Variants in THOC1 observed in about 807,000 individuals in gnomAD.
THOC1 encodes THO complex subunit 1.
In THOC1, 29 loss-of-function variants were observed where a neutral mutation model predicts 97.3. The ratio of observed to expected loss-of-function variants is 0.30; its 90% CI spans 0.22 to 0.41. The LOEUF is 0.41. Among genes scored for constraint, THOC1 ranks in the 10% least tolerant of loss-of-function variants. The pLI, the probability that THOC1 is intolerant of heterozygous loss-of-function variation, is 1.00. For synonymous variants in THOC1, 255 were observed against 257.0 expected (o/e 0.99, Z 0.07); for missense variants, 529 against 761.9 (o/e 0.69, Z 3.60).
At chr18:224,792 A>G (rs1418637016) in intron 15 of THOC1, 132 bp downstream of exon 15, 1 of 742,826 alleles carries the variant, frequency 1.3e-6, no homozygotes, top group African/African-American at 1.8e-5. Context: ...ACAAAGTTCA[A>G]CTTACATTTT....
At chr18:239,047 T>C (rs1464577383) in intron 11 of THOC1, among the ~76,000 whole-genome samples, 1 of 152,196 alleles carries the variant, frequency 6.6e-6, no homozygotes. Flanking sequence ...ACCTCTATTA[T>C]TAACTCAGGA....
intron 12 of THOC1, 64 bp downstream of exon 12, chr18:226,737 G>C: frequency 8.0e-7 from 1 of 1,253,034 alleles, no homozygotes; most frequent in Non-Finnish European, 1.1e-6. Flanking sequence ...AAGAAAAATC[G>C]TAAGCAAGTC....
intron 18 of THOC1, among the ~76,000 whole-genome samples, chr18:218,429 T>A (rs1910967313): frequency 6.6e-6 from 1 of 151,924 alleles, no homozygotes; most frequent in Non-Finnish European, 1.5e-5. Context: ...ACTCCAAAAT[T>A]TGAGTTAGGC....
At chr18:227,876 C>G (rs953520069) in intron 11 of THOC1, among the ~76,000 whole-genome samples, 1 of 152,082 alleles carries the variant, frequency 6.6e-6, no homozygotes, top group African/African-American at 2.4e-5. Context: ...GTACCATTTA[C>G]TAATGCTACC....
In THOC1 at chr18:254,966, C is replaced by G. The variant is rs1413193728; in HGVS notation, c.521-611G>C. Among the ~76,000 whole-genome samples, 6 of 152,160 alleles carry G rather than the reference C, an allele frequency of 3.9e-5. No individual in the cohort carries two copies. Among genetic ancestry groups the G allele is most frequent in the Admixed American group, 3.9e-4 (6 of 15,272 alleles). On this transcript the variant is annotated intron_variant, in intron 7 of 20. Coordinates refer to ENST00000261600, the MANE Select transcript of THOC1 (RefSeq NM_005131.3). This position sits in a 1 kb window ranked among gnomAD's most constrained non-coding sequence, Gnocchi z 4.1. ...GAGTAGCTGGGACTACAGGCAAGCACCACCATGCCTGGCTAAATTTTTTTG... is the reference window on the plus strand; with the variant it reads ...GAGTAGCTGGGACTACAGGCAAGCAGCACCATGCCTGGCTAAATTTTTTTG...
rs1346920906 is a variant in THOC1 at position 254,830 on chromosome 18, T to C, written c.521-475A>G. Among the ~76,000 whole-genome samples, 1 of 152,032 alleles carries C rather than the reference T, an allele frequency of 6.6e-6. No homozygotes were observed. The highest frequency in any genetic ancestry group is 1.9e-4 in the East Asian group (1 of 5,196). ...AGACAGTAAACTATTTTTTTTTTTT[T>C]TTGAGACAGCGACTCACTCCTGTCA... On this transcript the variant is annotated intron_variant, in intron 7 of 20. Coordinates refer to ENST00000261600, the MANE Select transcript of THOC1 (RefSeq NM_005131.3). The surrounding 1 kb of genome is among the most constrained non-coding windows in gnomAD (Gnocchi z 4.1).
At chr18:253,230 T>C (rs936802310) in intron 8 of THOC1, among the ~76,000 whole-genome samples, 5 of 152,202 alleles carry the variant, frequency 3.3e-5, no homozygotes, top group Non-Finnish European at 7.3e-5. Context: ...TATTGAAATA[T>C]GGAATATGCA....
At chr18:224,227 C>T in intron 15 of THOC1, 48 bp from the exon 16 acceptor site, 1 of 1,299,328 alleles carries the variant, frequency 7.7e-7, no homozygotes, top group African/African-American at 1.5e-5. Flanking sequence ...AAATGGATAA[C>T]AGAAATAGAA....
chr18:266,463 C>A (rs1255146636), intron 1 of THOC1, among the ~76,000 whole-genome samples: 2 of 152,112 alleles, frequency 1.3e-5, no homozygotes, highest in Non-Finnish European at 2.9e-5. Context: ...GAACAAGAAT[C>A]TGCATTTCAC....
chr18:227,116 A>G (rs71352929), intron 11 of THOC1, among the ~76,000 whole-genome samples: 6,043 of 152,256 alleles, frequency 0.04, 143 homozygotes, highest in Middle Eastern at 0.075. Flanking sequence ...ATGCCATGAC[A>G]CATTCTTGCT....
Position 246,317 on chromosome 18 carries a change from C to A in THOC1, c.918+7G>T. ...TATTATGCTTAATGAAAAAGAAAAA[C>A]TTATACCTTTTCACTTGTTAAAAAT... On this transcript the variant is annotated splice_region_variant and intron_variant, in intron 11 of 20. Coordinates refer to ENST00000261600, the MANE Select transcript of THOC1 (RefSeq NM_005131.3). 1 of 1,535,338 alleles carries A rather than the reference C, an allele frequency of 6.5e-7. No homozygotes were observed. Among genetic ancestry groups the A allele is most frequent in the East Asian group, 2.3e-5 (1 of 44,114 alleles).
At position 221,791 on chromosome 18, in the gene THOC1, G is replaced by A. The variant is rs192857983; in HGVS notation, c.1370+1649C>T. ...ACTTGGCTAATTTTTTGTATTTTTA[G>A]TAGAGACGGGGTTTCACCGTGTTAG... is the stretch of plus-strand genomic sequence containing the variant. On this transcript the variant is annotated intron_variant, in intron 17 of 20. Transcript: ENST00000261600. Among the ~76,000 whole-genome samples, 681 of 152,066 alleles carry A rather than the reference G, an allele frequency of 4.5e-3. 6 individuals carry two copies. Among genetic ancestry groups the A allele is most frequent in the Non-Finnish European group, 7.5e-3 (508 of 67,980 alleles).
In THOC1 at chr18:227,484, A is replaced by G. The variant is rs188581921; in HGVS notation, c.919-583T>C. Among the ~76,000 whole-genome samples, 54 of 152,256 alleles carry G rather than the reference A, an allele frequency of 3.5e-4. 1 individual carries two copies. The highest frequency in any genetic ancestry group is 2.1e-4 in the Non-Finnish European group (14 of 68,010). ...GGTATTACTTGACAATAAACAAGAA[A>G]TTAGAGGTGAAGATCATCTCTGATT... On this transcript the variant is annotated intron_variant, in intron 11 of 20. Transcript: ENST00000261600.
At chr18:229,650 T>C (rs2143187278) in intron 11 of THOC1, among the ~76,000 whole-genome samples, 1 of 152,268 alleles carries the variant, frequency 6.6e-6, no homozygotes, top group Non-Finnish European at 1.5e-5. Flanking sequence ...GCCACTGCAC[T>C]CCAGCCTGGG....
rs1018097335 is a variant in THOC1 at position 254,784 on chromosome 18, A to T, written c.521-429T>A. On this transcript the variant is annotated intron_variant, in intron 7 of 20. Coordinates refer to ENST00000261600, the MANE Select transcript of THOC1 (RefSeq NM_005131.3). The surrounding 1 kb of genome is among the most constrained non-coding windows in gnomAD (Gnocchi z 4.1). ...TGCCACAGATTTGTTTTTGCCACAA[A>T]CTGTGCCCATCTAAGATCTAAGACA... Among the ~76,000 whole-genome samples, 2 of 151,692 alleles carry T rather than the reference A, an allele frequency of 1.3e-5. No individual in the cohort carries two copies. Among genetic ancestry groups the T allele is most frequent in the African/African-American group, 4.8e-5 (2 of 41,274 alleles).
intron 10 of THOC1, 135 bp downstream of exon 10, chr18:247,714 A>G (rs979746619): frequency 3.0e-5 from 18 of 599,602 alleles, no homozygotes; most frequent in African/African-American, 2.3e-4. Flanking sequence ...TTATAATTTC[A>G]CTTGTTATGA....
At chr18:256,843 A>C (rs1290421523) in intron 7 of THOC1, among the ~76,000 whole-genome samples, 2 of 152,206 alleles carry the variant, frequency 1.3e-5, no homozygotes. Context: ...AGGAAGAGTC[A>C]ATTGATGTGG....
intron 10 of THOC1, among the ~76,000 whole-genome samples, chr18:247,203 A>G (rs1290750619): frequency 6.6e-6 from 1 of 152,244 alleles, no homozygotes; most frequent in Non-Finnish European, 1.5e-5. Context: ...ACTATTAAAA[A>G]TAACATAACA....
chr18:250,364 A>G (rs1166911943), intron 9 of THOC1, among the ~76,000 whole-genome samples: 1 of 152,156 alleles, frequency 6.6e-6, no homozygotes, highest in African/African-American at 2.4e-5. Context: ...TTCCACCTTC[A>G]ACACTCCACA....
Sources: gnomAD v4.1 joint callset for allele counts (sites outside exome capture counted in the v4.1 genomes callset) on GRCh38, gnomAD v4.1.1 for gene constraint, Gnocchi (gnomAD v3.1) non-coding constraint, MANE v1.5 for transcripts, NCBI Gene and HGNC (gene_info 2026-07-23, HGNC 2026-07-21) for gene names.